RHOBTB2: variants seen among roughly 807,000 people sequenced by gnomAD.
RHOBTB2 encodes Rho related BTB domain containing 2, also known as rho-related BTB domain-containing protein 2.
A neutral mutation model predicts 66.5 loss-of-function variants in RHOBTB2; 39 were observed. The ratio of observed to expected loss-of-function variants is 0.59; its 90% CI spans 0.45 to 0.77. RHOBTB2 has a LOEUF of 0.77. RHOBTB2 is among the 30% of genes least tolerant of loss of function. The pLI, the probability that RHOBTB2 is intolerant of heterozygous loss-of-function variation, is 0.00. For missense variants in RHOBTB2, 755 were observed against 999.1 expected, an observed-to-expected ratio of 0.76 and a Z score of 3.29; for synonymous variants, 390 against 395.0, an observed-to-expected ratio of 0.99 and a Z score of 0.15.
At chr8:23,011,997 G>A (rs1028209460) in intron 7 of RHOBTB2, among the ~76,000 whole-genome samples, 11 of 152,326 alleles carry the variant, frequency 7.2e-5, no homozygotes, top group Middle Eastern at 3.4e-3. Context: ...TATTAAGAGC[G>A]GAGGCTGCAG....
At position 23,020,164 on chromosome 8, in the gene RHOBTB2, C is replaced by A. The variant is rs1316417937; in HGVS notation, c.*2695C>A. On this transcript the variant is annotated 3_prime_UTR_variant, in exon 10 of 10. Coordinates refer to ENST00000251822, the MANE Select transcript of RHOBTB2 (RefSeq NM_015178.3). ...TATAAGGTTTCATATTTAATTTGGT[C>A]ATGGATTCATAAATACATAAGTATT... The A allele has an allele frequency of 2.4e-6, 1 of 412,740 alleles. No individual in the cohort carries two copies. The highest frequency in any genetic ancestry group is 1.7e-5 in the South Asian group (1 of 58,070). The allele number at this position is 412,740 out of a possible 1,614,324, so 25.6% of individuals were successfully genotyped here.
the RHOBTB2 span, among the ~76,000 whole-genome samples, chr8:22,970,586 G>A: frequency 2.7e-5 from 4 of 149,700 alleles, no homozygotes; most frequent in Non-Finnish European, 3.0e-5. Flanking sequence ...CTGGGTCACA[G>A]GGCAAGACTC....
the RHOBTB2 span, among the ~76,000 whole-genome samples, chr8:22,960,294 G>C: frequency 6.9e-6 from 1 of 144,254 alleles, no homozygotes; most frequent in Non-Finnish European, 1.5e-5. Flanking sequence ...ACCCCTTATA[G>C]ATGAGCCCTC....
the RHOBTB2 span, among the ~76,000 whole-genome samples, chr8:22,979,811 G>A: frequency 1.5e-5 from 2 of 132,368 alleles, no homozygotes; most frequent in South Asian, 4.8e-4. Context: ...AGGCTGGAGT[G>A]CAGTGGAGCG....
the RHOBTB2 span, among the ~76,000 whole-genome samples, chr8:22,982,272 G>A: frequency 1.3e-5 from 2 of 152,106 alleles, no homozygotes; most frequent in African/African-American, 2.4e-5. Flanking sequence ...ACCTGCTGTC[G>A]GGACACACTG....
intron 2 of RHOBTB2, chr8:22,992,298 T>G (rs1278294529): frequency 6.6e-6 from 1 of 152,204 alleles, no homozygotes; most frequent in Non-Finnish European, 1.5e-5. Flanking sequence ...ATAATCTTTA[T>G]TTGTTAACAG....
At chr8:23,001,311 C>A (rs1012474995) in intron 1 of RHOBTB2, among the ~76,000 whole-genome samples, 1 of 151,902 alleles carries the variant, frequency 6.6e-6, no homozygotes, top group East Asian at 1.9e-4. Flanking sequence ...GAAGAGAGAG[C>A]CGGAGGGAGA....
At chr8:22,982,536 C>T (rs1008721870), upstream of RHOBTB2, among the ~76,000 whole-genome samples, 1 of 152,104 alleles carries the variant, frequency 6.6e-6, no homozygotes, top group African/African-American at 2.4e-5. Context: ...GCAGGAGAAT[C>T]ACTTGAACCC....
At chr8:22,995,180 A>G (rs1338512277), upstream of RHOBTB2, among the ~76,000 whole-genome samples, 5 of 152,082 alleles carry the variant, frequency 3.3e-5, no homozygotes, top group African/African-American at 1.2e-4. Flanking sequence ...CTATTCTCTC[A>G]GCTCGGCCTC....
chr8:22,992,472 A>G (rs1810449504), intron 2 of RHOBTB2, among the ~76,000 whole-genome samples: 1 of 152,176 alleles, frequency 6.6e-6, no homozygotes. Context: ...GGAGGTCTGC[A>G]GCTTGGTCAA....
the RHOBTB2 span, among the ~76,000 whole-genome samples, chr8:22,964,157 T>C: frequency 6.6e-6 from 1 of 152,116 alleles, no homozygotes; most frequent in Non-Finnish European, 1.5e-5. Context: ...ATGAGACTCA[T>C]TTATTATTGC....
chr8:22,970,050 C>T, the RHOBTB2 span, among the ~76,000 whole-genome samples: 2 of 152,306 alleles, frequency 1.3e-5, no homozygotes, highest in South Asian at 2.1e-4. Flanking sequence ...CAGGAGAATG[C>T]ACCACCATAA....
chr8:22,972,867 T>C, the RHOBTB2 span, among the ~76,000 whole-genome samples: 1 of 152,208 alleles, frequency 6.6e-6, no homozygotes, highest in Non-Finnish European at 1.5e-5. Context: ...TATGGCCTTC[T>C]TTTTCCTTCT....
chr8:23,010,004 G>T (rs1273843877), intron 6 of RHOBTB2, among the ~76,000 whole-genome samples: 2 of 152,202 alleles, frequency 1.3e-5, no homozygotes, highest in Non-Finnish European at 2.9e-5. Context: ...CAGCTGCTGT[G>T]GGCCTTACTT....
upstream of RHOBTB2, among the ~76,000 whole-genome samples, chr8:22,982,772 C>G (rs1478218808): frequency 6.6e-6 from 1 of 152,196 alleles, no homozygotes; most frequent in Non-Finnish European, 1.5e-5. Flanking sequence ...GTACCTTAAA[C>G]TGGGTGACTT....
the RHOBTB2 span, among the ~76,000 whole-genome samples, chr8:22,964,433 C>T: frequency 7.9e-5 from 12 of 152,204 alleles, no homozygotes; most frequent in African/African-American, 1.7e-4. Flanking sequence ...AAATATACAG[C>T]GACAATCTTG....
intron 2 of RHOBTB2, chr8:22,994,413 G>C: frequency 1.9e-6 from 1 of 530,348 alleles, no homozygotes. Context: ...CCCCGCGCTG[G>C]ACCCGGACAT....
In RHOBTB2 at chr8:23,010,727, A is replaced by G; in HGVS notation, c.1771+39A>G. The G allele has an allele frequency of 2.5e-6, 4 of 1,606,276 alleles. No homozygotes were observed. In the South Asian group the frequency reaches 4.4e-5, roughly 18 times the overall value. Reference sequence around the variant, plus strand: ...GCACTCGGGGACCTCCCCGCGGCAGAGGCCAGGGAAACCCCAAGGTGCAAT... The same window carrying G: ...GCACTCGGGGACCTCCCCGCGGCAGGGGCCAGGGAAACCCCAAGGTGCAAT... On this transcript the variant is annotated intron_variant, in intron 7 of 9. Transcript: ENST00000251822.
intron 1 of RHOBTB2, among the ~76,000 whole-genome samples, chr8:23,002,481 C>T (rs1810812424): frequency 6.6e-6 from 1 of 152,218 alleles, no homozygotes; most frequent in Non-Finnish European, 1.5e-5. Context: ...CACTTGAGGT[C>T]AGGAGTTTAA....
Sources: gnomAD v4.1 joint callset for allele counts (sites outside exome capture counted in the v4.1 genomes callset) on GRCh38, gnomAD v4.1.1 for gene constraint, MANE v1.5 for transcripts, NCBI Gene and HGNC (gene_info 2026-07-23, HGNC 2026-07-21) for gene names.